The following ANO6 variants were observed in gnomAD, a reference collection of about 807,000 sequenced individuals.
ANO6 encodes anoctamin-6.
In ANO6, 106 loss-of-function variants were observed where a neutral mutation model predicts 117.5. The ratio of observed to expected loss-of-function variants is 0.90; its 90% CI spans 0.77 to 1.06. The LOEUF is 1.06. Among genes scored for constraint, ANO6 ranks in the 50% least tolerant of loss-of-function variants. ANO6 has a pLI of 0.00. For missense variants in ANO6, 955 were observed against 1,121.1 expected (o/e 0.85, Z 2.12); for synonymous variants, 367 against 385.1 (o/e 0.95, Z 0.55).
At chr12:45,296,620 T>A (rs1939303617) in intron 1 of ANO6, among the ~76,000 whole-genome samples, 2 of 152,246 alleles carry the variant, frequency 1.3e-5, no homozygotes, top group South Asian at 4.1e-4. Flanking sequence ...TATACAATAC[T>A]ATTCTAATTT....
intron 10 of ANO6, among the ~76,000 whole-genome samples, chr12:45,379,594 C>T (rs751801039): frequency 6.6e-6 from 1 of 152,222 alleles, no homozygotes; most frequent in East Asian, 1.9e-4. Flanking sequence ...ATTAACCGTA[C>T]TCTCAGCGTT....
At chr12:45,317,084 A>T (rs548503911) in intron 2 of ANO6, among the ~76,000 whole-genome samples, 131 of 99,490 alleles carry the variant, frequency 1.3e-3, no homozygotes, top group African/African-American at 4.0e-3. Context: ...AGATCTCTTT[A>T]AGAAAAGACA....
intron 16 of ANO6, among the ~76,000 whole-genome samples, chr12:45,413,548 G>T (rs1235412952): frequency 2.6e-5 from 4 of 152,234 alleles, no homozygotes; most frequent in Non-Finnish European, 5.9e-5. Flanking sequence ...TGCCTAGCAG[G>T]AATATCAAGA....
chr12:45,328,714 G>A (rs1940559893), intron 2 of ANO6, among the ~76,000 whole-genome samples: 1 of 152,058 alleles, frequency 6.6e-6, no homozygotes, highest in South Asian at 2.1e-4. Context: ...CTGAAAAATA[G>A]AAGATTCCAT....
At chr12:45,285,555 CTT>C (rs1938882815) in intron 1 of ANO6, among the ~76,000 whole-genome samples, 1 of 152,076 alleles carries the variant, frequency 6.6e-6, no homozygotes, top group South Asian at 2.1e-4. Flanking sequence ...ATGGTGAAAC[CTT>C]GTCTCTACTA....
intron 13 of ANO6, among the ~76,000 whole-genome samples, chr12:45,402,866 A>G (rs1454291705): frequency 1.3e-5 from 2 of 152,188 alleles, no homozygotes; most frequent in Non-Finnish European, 2.9e-5. Flanking sequence ...TTGTATTCCT[A>G]CTGTGAGGGA....
At chr12:45,323,261 AC>A (rs1940341525) in intron 2 of ANO6, among the ~76,000 whole-genome samples, 1 of 152,190 alleles carries the variant, frequency 6.6e-6, no homozygotes, top group South Asian at 2.1e-4. Flanking sequence ...GATGTCCAAA[AC>A]CAAAGCACTA....
At chr12:45,301,938 C>T in intron 1 of ANO6, 76 bp from the exon 2 acceptor site, 1 of 1,239,298 alleles carries the variant, frequency 8.1e-7, no homozygotes, top group Non-Finnish European at 1.2e-6. Context: ...CCCGGTGCTG[C>T]TGATTTAAAA....
At chr12:45,297,306 A>AGGAT (rs1377203979) in intron 1 of ANO6, among the ~76,000 whole-genome samples, 1 of 152,228 alleles carries the variant, frequency 6.6e-6, no homozygotes, top group Non-Finnish European at 1.5e-5. Flanking sequence ...AATTCTGATT[A>AGGAT]TCTTTATTCC....
In ANO6 at chr12:45,403,549, T is replaced by C. The variant is rs973686312; in HGVS notation, c.1880+13T>C. The C allele has an allele frequency of 1.3e-6, 2 of 1,596,644 alleles. No homozygotes were observed. Among genetic ancestry groups the C allele is most frequent in the South Asian group, 1.1e-5 (1 of 90,730 alleles). On this transcript the variant is annotated intron_variant, in intron 15 of 19. Transcript: ENST00000320560. Reference sequence around the variant, plus strand: ...AAGTATTATTGCCGTGAGTGTTAAATTGTATAGCCATGGGTAAAAGGACAA... The same window carrying C: ...AAGTATTATTGCCGTGAGTGTTAAACTGTATAGCCATGGGTAAAAGGACAA...
intron 2 of ANO6, among the ~76,000 whole-genome samples, chr12:45,319,477 C>G (rs1230005017): frequency 1.3e-5 from 2 of 152,120 alleles, no homozygotes; most frequent in Non-Finnish European, 2.9e-5. Flanking sequence ...TACTTGATCA[C>G]AGTGGATAAG....
rs575098629 is a variant in ANO6 at position 45,292,148 on chromosome 12, C to T, written c.71-9866C>T. Among the ~76,000 whole-genome samples the T allele has an allele frequency of 2.0e-5, 3 of 152,284 alleles. No individual in the cohort carries two copies. The South Asian group carries it at 6.2e-4, about 32-fold the overall frequency. ...TTCTGTCATAGAAAGGAACAAAGTT[C>T]TGATATATGCTACAACTTGGATATA... On this transcript the variant is annotated intron_variant, in intron 1 of 19. Coordinates refer to ENST00000320560, the MANE Select transcript of ANO6 (RefSeq NM_001025356.3).
At chr12:45,393,137 T>G (rs563334461) in intron 12 of ANO6, among the ~76,000 whole-genome samples, 3 of 152,146 alleles carry the variant, frequency 2.0e-5, no homozygotes, top group Non-Finnish European at 4.4e-5. Flanking sequence ...ATAAACAATG[T>G]AGAGAAGACC....
chr12:45,230,217 G>A (rs57283482), intron 1 of ANO6, among the ~76,000 whole-genome samples: 1,579 of 152,080 alleles, frequency 0.01, 32 homozygotes, highest in African/African-American at 0.036. Context: ...TGCCTGATGC[G>A]TAGTAGGCAA....
At chr12:45,407,573 C>G (rs1341352388) in intron 15 of ANO6, among the ~76,000 whole-genome samples, 1 of 145,634 alleles carries the variant, frequency 6.9e-6, no homozygotes, top group Non-Finnish European at 1.5e-5. Flanking sequence ...AGCTGCACTA[C>G]TCACAAGCAT....
chr12:45,391,808 G>A (rs531689688), intron 12 of ANO6, among the ~76,000 whole-genome samples: 7 of 152,096 alleles, frequency 4.6e-5, no homozygotes, highest in Non-Finnish European at 7.3e-5. Flanking sequence ...GCAGGGAGCC[G>A]AGACTGCACC....
At chr12:45,300,948 A>G (rs1288267536) in intron 1 of ANO6, among the ~76,000 whole-genome samples, 1 of 152,238 alleles carries the variant, frequency 6.6e-6, no homozygotes, top group Non-Finnish European at 1.5e-5. Context: ...AGATGAAACT[A>G]TAGCGTCTTA....
intron 9 of ANO6, among the ~76,000 whole-genome samples, chr12:45,377,571 C>T (rs1367218441): frequency 6.6e-6 from 1 of 152,158 alleles, no homozygotes; most frequent in Admixed American, 6.5e-5. Flanking sequence ...TAAACCTCAG[C>T]TTTGTACGTC....
At chr12:45,306,308 C>T (rs948785815) in intron 2 of ANO6, among the ~76,000 whole-genome samples, 2 of 151,986 alleles carry the variant, frequency 1.3e-5, no homozygotes, top group Non-Finnish European at 2.9e-5. Flanking sequence ...TGCTTAGTCT[C>T]TACGAAATTT....
Sources: allele counts gnomAD v4.1 joint callset (sites outside exome capture counted in the v4.1 genomes callset), GRCh38; gene constraint gnomAD v4.1.1; transcripts MANE v1.5; gene names NCBI Gene and HGNC (gene_info 2026-07-23, HGNC 2026-07-21).